Variants in SAMD12 observed in about 807,000 individuals in gnomAD.
SAMD12 encodes the protein sterile alpha motif domain-containing protein 12.
A neutral mutation model predicts 15.0 loss-of-function variants in SAMD12; 9 were observed. That is an observed-to-expected ratio of 0.60 (90% confidence interval 0.36 to 1.05). SAMD12 has a LOEUF of 1.05. SAMD12 is among the 50% of genes least tolerant of loss of function. The probability of loss-of-function intolerance (pLI) is 0.01; values close to 1 mark genes in which losing one functional copy is unlikely to be tolerated. For missense variants in SAMD12, 230 were observed against 234.2 expected, an observed-to-expected ratio of 0.98 and a Z score of 0.12; for synonymous variants, 86 against 90.1, an observed-to-expected ratio of 0.96 and a Z score of 0.25.
At chr8:118,416,633 G>T (rs772724660) in intron 3 of SAMD12, among the ~76,000 whole-genome samples, 1 of 152,160 alleles carries the variant, frequency 6.6e-6, no homozygotes, top group Non-Finnish European at 1.5e-5. Flanking sequence ...ATTTGGGCTT[G>T]ATTAGCCTGA....
chr8:118,449,755 G>A (rs1184615300), intron 2 of SAMD12, among the ~76,000 whole-genome samples: 1 of 141,070 alleles, frequency 7.1e-6, no homozygotes, highest in Non-Finnish European at 1.5e-5. Flanking sequence ...GAGCAGAGAT[G>A]GTGCCACTGC....
intron 4 of SAMD12, among the ~76,000 whole-genome samples, chr8:118,369,439 G>A (rs1414513607): frequency 2.0e-5 from 3 of 152,144 alleles, no homozygotes; most frequent in East Asian, 3.9e-4. Context: ...ACGTAGGCCA[G>A]GCACAGTGGC....
At chr8:118,504,939 C>A (rs760096658) in intron 2 of SAMD12, among the ~76,000 whole-genome samples, 1 of 152,164 alleles carries the variant, frequency 6.6e-6, no homozygotes, top group African/African-American at 2.4e-5. Context: ...GCTGGTGTGA[C>A]TGGGGGATGT....
intron 2 of SAMD12, among the ~76,000 whole-genome samples, chr8:118,478,811 C>T (rs547033486): frequency 1.3e-4 from 20 of 152,316 alleles, no homozygotes; most frequent in African/African-American, 4.3e-4. Flanking sequence ...GCTGTTTCTC[C>T]CCAGCAGTGA....
At chr8:118,280,524 T>A (rs921512504) in intron 4 of SAMD12, among the ~76,000 whole-genome samples, 2 of 152,088 alleles carry the variant, frequency 1.3e-5, no homozygotes, top group Non-Finnish European at 2.9e-5. Flanking sequence ...TGATAGTATT[T>A]AGTGAGCCAT....
At chr8:118,142,176 C>G in the SAMD12 span, among the ~76,000 whole-genome samples, 1 of 152,144 alleles carries the variant, frequency 6.6e-6, no homozygotes, top group African/African-American at 2.4e-5. Context: ...GTCCTTGAAC[C>G]TCTTGTTTCC....
chr8:118,266,946 C>T (rs945263069), intron 4 of SAMD12, among the ~76,000 whole-genome samples: 14 of 152,084 alleles, frequency 9.2e-5, no homozygotes, highest in Admixed American at 3.3e-4. Context: ...AATAACAATA[C>T]ATTGCATCCT....
intron 2 of SAMD12, among the ~76,000 whole-genome samples, chr8:118,577,233 C>G (rs986272854): frequency 6.6e-6 from 1 of 152,104 alleles, no homozygotes; most frequent in African/African-American, 2.4e-5. Context: ...GGCCAGACAA[C>G]CTTTTTCTTC....
intron 4 of SAMD12, among the ~76,000 whole-genome samples, chr8:118,329,263 G>A (rs1816703272): frequency 6.6e-6 from 1 of 152,140 alleles, no homozygotes; most frequent in Non-Finnish European, 1.5e-5. Context: ...GGAACAGTGA[G>A]TGGCCAGCCT....
At chr8:118,529,797 TCTCA>T (rs1825635785) in intron 2 of SAMD12, among the ~76,000 whole-genome samples, 1 of 152,078 alleles carries the variant, frequency 6.6e-6, no homozygotes, top group African/African-American at 2.4e-5. Flanking sequence ...GTGTACAGGG[TCTCA>T]CTGTGTTGTT....
rs892736632 is a variant in SAMD12, at chr8:118,378,005, T to C, written c.*1412A>G. 4.6e-5 allele frequency: 7 copies of C among 152,200 alleles called. No individual in the cohort carries two copies. Among genetic ancestry groups the C allele is most frequent in the African/African-American group, 1.7e-4 (7 of 41,454 alleles). The allele number at this position is 152,200 out of a possible 1,614,324, so 9.4% of individuals were successfully genotyped here. ...CCACTTATCCCACAATCCAGAGAGA[T>C]CCTTTATTAAAATGGTTGGCATATT... On this transcript the variant is annotated 3_prime_UTR_variant, in exon 4 of 4. Transcript: ENST00000314727.
At chr8:118,253,578 G>T (rs1270001361) in intron 4 of SAMD12, among the ~76,000 whole-genome samples, 2 of 152,114 alleles carry the variant, frequency 1.3e-5, no homozygotes, top group African/African-American at 4.8e-5. Context: ...GCTGACAATG[G>T]CAGGCATTTT....
intron 1 of SAMD12, among the ~76,000 whole-genome samples, chr8:118,598,621 T>C (rs753735929): frequency 8.5e-5 from 13 of 152,156 alleles, no homozygotes; most frequent in Non-Finnish European, 1.5e-4. Context: ...AGCACCTAGG[T>C]TGGCTGTATA....
intron 3 of SAMD12, 54 bp downstream of exon 3, chr8:118,439,778 T>C (rs1822679105): frequency 4.5e-6 from 7 of 1,571,692 alleles, no homozygotes; most frequent in Non-Finnish European, 6.1e-6. Flanking sequence ...GGAAAGGCTA[T>C]CGTGACTGGG....
chr8:118,454,496 C>T (rs1219228635), intron 2 of SAMD12, among the ~76,000 whole-genome samples: 1 of 152,142 alleles, frequency 6.6e-6, no homozygotes, highest in African/African-American at 2.4e-5. Context: ...CTTGGTGAAT[C>T]ATGCATTATT....
intron 2 of SAMD12, among the ~76,000 whole-genome samples, chr8:118,505,692 A>T (rs754545654): frequency 6.6e-6 from 1 of 151,710 alleles, no homozygotes; most frequent in Admixed American, 6.6e-5. Context: ...TCTGGGCTTC[A>T]TATCTCGTAA....
At chr8:118,547,727 T>C (rs1156471296) in intron 2 of SAMD12, among the ~76,000 whole-genome samples, 1 of 152,214 alleles carries the variant, frequency 6.6e-6, no homozygotes, top group Non-Finnish European at 1.5e-5. Flanking sequence ...TTTCTAACTT[T>C]TTTCTATACC....
intron 4 of SAMD12, among the ~76,000 whole-genome samples, chr8:118,218,470 A>G (rs1812013134): frequency 6.6e-6 from 1 of 152,148 alleles, no homozygotes; most frequent in Non-Finnish European, 1.5e-5. Context: ...TGTGCAACAG[A>G]TTTCAAAAAC....
chr8:118,509,423 A>G (rs1450130519), intron 2 of SAMD12, among the ~76,000 whole-genome samples: 1 of 152,224 alleles, frequency 6.6e-6, no homozygotes, highest in Non-Finnish European at 1.5e-5. Context: ...GCAACAAAAT[A>G]GCTTGAGGGT....
Sources: allele counts gnomAD v4.1 joint callset (sites outside exome capture counted in the v4.1 genomes callset), GRCh38; gene constraint gnomAD v4.1.1; transcripts MANE v1.5; gene names NCBI Gene and HGNC (gene_info 2026-07-23, HGNC 2026-07-21).